ACTR3C: variants seen among roughly 807,000 people sequenced by gnomAD.
The protein encoded by ACTR3C is actin related protein 3C, also known as actin-related protein 3C.
Under a neutral mutation model 26.3 loss-of-function variants are expected in ACTR3C, and 18 were observed. The observed-to-expected ratio is 0.68, with a 90% confidence interval of 0.47 to 1.01. ACTR3C has a LOEUF of 1.01. ACTR3C is among the 50% of genes least tolerant of loss of function. The pLI is 0.00. For missense variants in ACTR3C, 184 were observed against 250.7 expected (o/e 0.73, Z 1.80); for synonymous variants, 55 against 94.5 (o/e 0.58, Z 2.42).
At chr7:150,298,967 A>C (rs182747236) in intron 1 of ACTR3C, among the ~76,000 whole-genome samples, 1,750 of 148,258 alleles carry the variant, frequency 0.012, 38 homozygotes, top group African/African-American at 0.042. Flanking sequence ...ACAATTTGTA[A>C]TGAAAACTTT....
At chr7:150,035,700 G>T in the ACTR3C span, among the ~76,000 whole-genome samples, 1 of 129,918 alleles carries the variant, frequency 7.7e-6, no homozygotes, top group African/African-American at 2.8e-5. Context: ...CAGCGATGGG[G>T]GTCCTAAGCC....
the ACTR3C span, chr7:150,062,331 T>C: frequency 1.3e-5 from 1 of 77,846 alleles, no homozygotes; most frequent in East Asian, 4.0e-4. Context: ...TCTGCCATGC[T>C]GTGTTTTTCA....
the ACTR3C span, among the ~76,000 whole-genome samples, chr7:150,157,371 T>A: frequency 5.3e-5 from 8 of 150,568 alleles, no homozygotes; most frequent in East Asian, 1.6e-3. Flanking sequence ...CTACACTTTA[T>A]TTGAAAGTTC....
At chr7:150,103,617 T>G in the ACTR3C span, among the ~76,000 whole-genome samples, 1 of 151,942 alleles carries the variant, frequency 6.6e-6, no homozygotes, top group Admixed American at 6.6e-5. Context: ...CATCCTGAAG[T>G]AGTCATTAGT....
chr7:149,980,495 G>T, the ACTR3C span, among the ~76,000 whole-genome samples: 1 of 152,144 alleles, frequency 6.6e-6, no homozygotes, highest in African/African-American at 2.4e-5. Context: ...GATTTCTAAA[G>T]ATCAATGAAA....
chr7:149,951,833 GA>G, the ACTR3C span, among the ~76,000 whole-genome samples: 2 of 150,272 alleles, frequency 1.3e-5, no homozygotes, highest in African/African-American at 5.0e-5. Context: ...AGGGCCAAGT[GA>G]GCATTTTGGG....
the ACTR3C span, among the ~76,000 whole-genome samples, chr7:149,975,645 T>G: frequency 6.6e-6 from 1 of 152,124 alleles, no homozygotes; most frequent in Non-Finnish European, 1.5e-5. Flanking sequence ...AAATACCTGA[T>G]ACTGGTTAAT....
chr7:150,070,856 G>A, the ACTR3C span, among the ~76,000 whole-genome samples: 5 of 149,828 alleles, frequency 3.3e-5, no homozygotes, highest in Middle Eastern at 6.9e-3. Context: ...GTGCAGTGGC[G>A]TGATCTCAGC....
At chr7:150,288,377 G>A (rs1342255680) in intron 4 of ACTR3C, among the ~76,000 whole-genome samples, 3 of 146,126 alleles carry the variant, frequency 2.1e-5, no homozygotes, top group Non-Finnish European at 4.4e-5. Flanking sequence ...AGTGGACCCT[G>A]GGCGTCAATA....
chr7:150,020,919 C>G, the ACTR3C span, among the ~76,000 whole-genome samples: 1 of 152,008 alleles, frequency 6.6e-6, no homozygotes. Flanking sequence ...CTCCCAGGTT[C>G]AAGAGATTCT....
the ACTR3C span, among the ~76,000 whole-genome samples, chr7:149,970,283 C>G: frequency 6.6e-6 from 1 of 151,596 alleles, no homozygotes; most frequent in Non-Finnish European, 1.5e-5. Flanking sequence ...GGTGACAAGA[C>G]AGAGAAGCCC....
the ACTR3C span, among the ~76,000 whole-genome samples, chr7:150,076,347 C>T: frequency 4.6e-5 from 7 of 152,048 alleles, no homozygotes; most frequent in African/African-American, 1.7e-4. Context: ...AAAAATAATA[C>T]ACATAAAAGT....
chr7:149,931,333 C>T, the ACTR3C span, among the ~76,000 whole-genome samples: 1,843 of 152,256 alleles, frequency 0.012, 15 homozygotes, highest in African/African-American at 0.042. Context: ...GCCAGGTGCC[C>T]GTCTTTGTCG....
At chr7:149,965,692 C>T in the ACTR3C span, among the ~76,000 whole-genome samples, 1 of 152,258 alleles carries the variant, frequency 6.6e-6, no homozygotes, top group Non-Finnish European at 1.5e-5. Flanking sequence ...TGGGCTAAAA[C>T]TGCATATCAC....
the ACTR3C span, among the ~76,000 whole-genome samples, chr7:150,068,869 T>C: frequency 5.9e-5 from 9 of 151,676 alleles, no homozygotes; most frequent in South Asian, 2.1e-4. Context: ...CAATGCAAAT[T>C]TGATAATTTA....
chr7:149,901,843 G>A, the ACTR3C span, among the ~76,000 whole-genome samples: 11 of 141,450 alleles, frequency 7.8e-5, no homozygotes, highest in East Asian at 1.9e-3. Context: ...CCCAGGAGGT[G>A]AAGGTTGCAG....
At chr7:150,110,743 C>A in the ACTR3C span, among the ~76,000 whole-genome samples, 50 of 134,246 alleles carry the variant, frequency 3.7e-4, no homozygotes, top group Non-Finnish European at 6.6e-4. Context: ...GGGCCAGAGC[C>A]AGCAGGGGGC....
the ACTR3C span, among the ~76,000 whole-genome samples, chr7:149,905,055 T>A: frequency 1.3e-5 from 2 of 150,854 alleles, no homozygotes; most frequent in African/African-American, 4.9e-5. Flanking sequence ...ATAAAAATAA[T>A]AATAATAATC....
the ACTR3C span, among the ~76,000 whole-genome samples, chr7:150,057,792 C>T: frequency 6.6e-6 from 1 of 152,190 alleles, no homozygotes; most frequent in Admixed American, 6.5e-5. Flanking sequence ...GTAAACTACA[C>T]CCAACTCTTG....
Sources: gnomAD v4.1 joint callset for allele counts (sites outside exome capture counted in the v4.1 genomes callset) on GRCh38, gnomAD v4.1.1 for gene constraint, MANE v1.5 for transcripts, NCBI Gene and HGNC (gene_info 2026-07-23, HGNC 2026-07-21) for gene names.